OLFML2A: variants seen among roughly 807,000 people sequenced by gnomAD.
OLFML2A encodes the protein olfactomedin-like protein 2A.
OLFML2A carries 47 observed loss-of-function variants against 60.9 expected under a neutral mutation model. The ratio of observed to expected loss-of-function variants is 0.77; its 90% confidence interval spans 0.61 to 0.98. OLFML2A has a LOEUF of 0.98. Ranked by LOEUF, OLFML2A falls within the 50% of genes least tolerant of loss-of-function variation. OLFML2A has a pLI of 0.00. For missense variants in OLFML2A, 922 were observed against 879.8 expected, an observed-to-expected ratio of 1.05 and a Z score of -0.61; for synonymous variants, 372 against 375.0, an observed-to-expected ratio of 0.99 and a Z score of 0.09.
chr9:124,809,886 A>G lies in OLFML2A; in HGVS notation c.1433A>G (p.Tyr478Cys). Residue 478 changes from tyrosine to cysteine, a missense_variant, in exon 8 of 8, where the codon TAC becomes TGC. Transcript: ENST00000373580. ...GHVVYQGAFY[Y>C]NRAFTKNIIK... is the part of the protein sequence containing the mutation. ...GTGGTGTACCAGGGCGCCTTCTACT[A>G]CAACCGCGCCTTCACCAAGAACATC... The G allele has an allele frequency of 1.2e-6, 2 of 1,614,158 alleles. No individual in the cohort carries two copies. Among genetic ancestry groups the G allele is most frequent in the Non-Finnish European group, 1.7e-6 (2 of 1,180,008 alleles).
chr9:124,797,999 G>T (rs954710590), intron 3 of OLFML2A, among the ~76,000 whole-genome samples: 1 of 152,182 alleles, frequency 6.6e-6, no homozygotes, highest in Non-Finnish European at 1.5e-5. Flanking sequence ...GGGAGTAAAG[G>T]CAGGGCTCAG....
chr9:124,804,693 CA>C (rs1841855886), intron 6 of OLFML2A, among the ~76,000 whole-genome samples: 1 of 151,964 alleles, frequency 6.6e-6, no homozygotes, highest in Non-Finnish European at 1.5e-5. Context: ...CACTGCACTC[CA>C]GCCTGGGCGA....
intron 5 of OLFML2A, among the ~76,000 whole-genome samples, chr9:124,803,072 C>T (rs566507094): frequency 1.8e-3 from 270 of 152,224 alleles, no homozygotes; most frequent in Non-Finnish European, 2.6e-3. Context: ...CCATGCCCGA[C>T]TAATTTTTGT....
In OLFML2A at chr9:124,809,831, C is replaced by G. The variant is rs750829156; in HGVS notation, c.1378C>G (p.Leu460Val). The G allele has an allele frequency of 6.2e-7, 1 of 1,611,014 alleles. No homozygotes were observed. Among genetic ancestry groups the G allele is most frequent in the Non-Finnish European group, 8.5e-7 (1 of 1,178,068 alleles). ...KQGRWSNMYK[L>V]PYNWIGTGHV... Reference sequence around the variant, plus strand: ...AGGCCGCTGGAGTAACATGTACAAGCTACCCTACAACTGGATCGGCACAGG... The same window carrying G: ...AGGCCGCTGGAGTAACATGTACAAGGTACCCTACAACTGGATCGGCACAGG... The change falls in exon 8 of 8, where the codon CTA becomes GTA. Residue 460 changes from leucine to valine, a missense_variant. Coordinates refer to ENST00000373580, the MANE Select transcript of OLFML2A (RefSeq NM_182487.4).
At chr9:124,804,484 G>A (rs934593601) in intron 6 of OLFML2A, 142 bp downstream of exon 6, 1 of 821,788 alleles carries the variant, frequency 1.2e-6, no homozygotes, top group Non-Finnish European at 1.9e-6. Flanking sequence ...AGCACTTTGG[G>A]AGGCCAAGGT....
chr9:124,806,631 A>T (rs958052102), intron 6 of OLFML2A, among the ~76,000 whole-genome samples: 2 of 150,776 alleles, frequency 1.3e-5, no homozygotes, highest in South Asian at 4.2e-4. Context: ...TTTTATTTTT[A>T]TTTTTTTTGA....
chr9:124,794,682 C>T (rs1458664371), intron 2 of OLFML2A, among the ~76,000 whole-genome samples: 1 of 152,098 alleles, frequency 6.6e-6, no homozygotes, highest in African/African-American at 2.4e-5. Context: ...AGTGCAGTGG[C>T]GTGATCTCGG....
rs528547224 is a variant in OLFML2A at position 124,804,100 on chromosome 9, C to A, written c.926C>A (p.Thr309Asn). 1.2e-6 allele frequency: 2 copies of A among 1,614,024 alleles called. No individual in the cohort carries two copies. The highest frequency in any genetic ancestry group is 1.7e-5 in the Admixed American group (1 of 60,014). ...AGGGGTCTTCTCTCTGCAGACAACACCCTCCAGGGCACTTCCTGGCTGGAG... is the reference window on the plus strand; with the variant it reads ...AGGGGTCTTCTCTCTGCAGACAACAACCTCCAGGGCACTTCCTGGCTGGAG... ...QEVTEAVADN[T>N]LQGTSWLEQL... is the part of the protein sequence containing the mutation. The change falls in exon 6 of 8, where the codon ACC becomes AAC. Residue 309 changes from threonine to asparagine, a missense_variant. Coordinates refer to ENST00000373580, the MANE Select transcript of OLFML2A (RefSeq NM_182487.4).
rs144327812 is a variant in OLFML2A, at chr9:124,796,738, A to G, written c.462+1607A>G. On this transcript the variant is annotated intron_variant, in intron 3 of 7. Coordinates refer to ENST00000373580, the MANE Select transcript of OLFML2A (RefSeq NM_182487.4). ...CCCTCTGCTCTCTTCCCTGACACCA[A>G]TAGTTCTCAACCAGGGGTGACTTTG... Among the ~76,000 whole-genome samples, 175 of 152,302 alleles carry G rather than the reference A, an allele frequency of 1.1e-3. 3 individuals are homozygous for G. In the East Asian group the frequency reaches 0.025, roughly 22 times the overall value.
rs199801040 is a variant in OLFML2A at position 124,779,551 on chromosome 9, G to A, written c.90+2191G>A. On this transcript the variant is annotated intron_variant, in intron 1 of 7. Coordinates refer to ENST00000373580, the MANE Select transcript of OLFML2A (RefSeq NM_182487.4). The surrounding 1 kb of genome is among the most constrained non-coding windows in gnomAD (Gnocchi z 4.1). ...CTAGGTTGTGTGTGTGTGTGGTGGG[G>A]GGGGGGTGTTTAGCTGTCCCAGGAC... Among the ~76,000 whole-genome samples the A allele has an allele frequency of 3.9e-5, 6 of 152,100 alleles. No individual in the cohort carries two copies. The highest frequency in any genetic ancestry group is 7.4e-5 in the Non-Finnish European group (5 of 67,966).
intron 6 of OLFML2A, among the ~76,000 whole-genome samples, chr9:124,805,716 G>C (rs560662552): frequency 8.4e-4 from 125 of 148,320 alleles, no homozygotes; most frequent in African/African-American, 2.7e-3. Flanking sequence ...CACCACTAAA[G>C]AACTCACCCA....
chr9:124,805,908 T>C (rs748900465), intron 6 of OLFML2A, among the ~76,000 whole-genome samples: 1 of 141,590 alleles, frequency 7.1e-6, no homozygotes, highest in Non-Finnish European at 1.5e-5. Flanking sequence ...CTCTGCCTCC[T>C]GAGCTCAAGA....
Position 124,777,231 on chromosome 9 carries a change from T to C in OLFML2A, c.-40T>C, listed in dbSNP as rs1841271535. 2 of 825,540 alleles carry C rather than the reference T, an allele frequency of 2.4e-6. No homozygotes were observed. Among genetic ancestry groups the C allele is most frequent in the East Asian group, 7.3e-5 (2 of 27,514 alleles). The allele number at this position is 825,540 out of a possible 1,614,324, so 51.1% of individuals were successfully genotyped here. On this transcript the variant is annotated 5_prime_UTR_variant, in exon 1 of 8. Transcript: ENST00000373580. This position sits in a 1 kb window ranked among gnomAD's most constrained non-coding sequence, Gnocchi z 6.2. ...GCAGTGCAGCCCGCGCTTCCCAGCG[T>C]CCGTGCCCGGCCGCCTGTGCCTACC...
In OLFML2A at chr9:124,810,506, G is replaced by C; in HGVS notation, c.*94G>C. The C allele has an allele frequency of 1.5e-6, 2 of 1,310,720 alleles. No homozygotes were observed. Among genetic ancestry groups the C allele is most frequent in the African/African-American group, 1.5e-5 (1 of 67,694 alleles). 81.2% of individuals were successfully genotyped at this position (1,310,720 alleles called of 1,614,324 possible). On this transcript the variant is annotated 3_prime_UTR_variant, in exon 8 of 8. Coordinates refer to ENST00000373580, the MANE Select transcript of OLFML2A (RefSeq NM_182487.4). ...TGACCCAGTCCGCAAATATTTATTG[G>C]GGGCCAGCCCAGGGCTGGGACTGGG...
intron 2 of OLFML2A, among the ~76,000 whole-genome samples, chr9:124,793,545 A>G (rs1365664976): frequency 6.6e-6 from 1 of 152,202 alleles, no homozygotes; most frequent in Non-Finnish European, 1.5e-5. Context: ...ACGTGGATTT[A>G]TATGAATTTG....
intron 2 of OLFML2A, 33 bp downstream of exon 2, chr9:124,787,271 G>A (rs1438881787): frequency 6.3e-7 from 1 of 1,598,788 alleles, no homozygotes; most frequent in South Asian, 1.1e-5. Flanking sequence ...GGGAGTAAGG[G>A]CCTATCATGA....
chr9:124,784,501 C>T (rs552421848), intron 1 of OLFML2A, among the ~76,000 whole-genome samples: 2 of 152,238 alleles, frequency 1.3e-5, no homozygotes, highest in South Asian at 4.2e-4. Flanking sequence ...TGTGCCCGGC[C>T]AGAGATATTA....
Position 124,813,711 on chromosome 9 carries a change from G to C in OLFML2A, c.*3299G>C, listed in dbSNP as rs1842064143. 6.6e-6 allele frequency: 1 copy of C among 152,194 alleles called. No individual in the cohort carries two copies. Among genetic ancestry groups the C allele is most frequent in the South Asian group, 2.1e-4 (1 of 4,830 alleles). 9.4% of individuals were successfully genotyped at this position (152,194 alleles called of 1,614,324 possible). On this transcript the variant is annotated 3_prime_UTR_variant, in exon 8 of 8. Transcript: ENST00000373580. ...CCAGTCATATTTAGAACAAAGTCAA[G>C]TATAAATTTACAGAGAAAAAATTCT...
At chr9:124,797,263 G>T (rs1409988656) in intron 3 of OLFML2A, among the ~76,000 whole-genome samples, 1 of 152,232 alleles carries the variant, frequency 6.6e-6, no homozygotes, top group African/African-American at 2.4e-5. Context: ...TTACAGGCAT[G>T]AGCCACTGCA....
Sources: allele counts gnomAD v4.1 joint callset (sites outside exome capture counted in the v4.1 genomes callset), GRCh38; gene constraint gnomAD v4.1.1; non-coding constraint Gnocchi (gnomAD v3.1); transcripts MANE v1.5; gene names NCBI Gene and HGNC (gene_info 2026-07-23, HGNC 2026-07-21).